Variants in TRMT11 observed in about 807,000 individuals in gnomAD.
TRMT11 encodes the protein tRNA (guanine(10)-N(2))-methyltransferase TRMT11.
TRMT11 carries 53 observed loss-of-function variants against 62.8 expected under a neutral mutation model. The observed-to-expected ratio is 0.84, with a 90% CI of 0.68 to 1.06. The LOEUF is 1.06. Among genes scored for constraint, TRMT11 ranks in the 50% least tolerant of loss-of-function variants. The pLI, the probability that TRMT11 is intolerant of heterozygous loss-of-function variation, is 0.00. For synonymous variants in TRMT11, 188 were observed against 190.3 expected, an observed-to-expected ratio of 0.99 and a Z score of 0.10; for missense variants, 556 against 553.4, an observed-to-expected ratio of 1.00 and a Z score of -0.05.
At chr6:126,229,992 C>T in the TRMT11 span, among the ~76,000 whole-genome samples, 2 of 152,052 alleles carry the variant, frequency 1.3e-5, no homozygotes, top group East Asian at 1.9e-4. Context: ...GTAGCTGAGA[C>T]ATGAGGGAAC....
intron 21 of TRMT11, among the ~76,000 whole-genome samples, chr6:126,129,324 G>C (rs1329624530): frequency 6.6e-6 from 1 of 152,074 alleles, no homozygotes; most frequent in African/African-American, 2.4e-5. Context: ...AGGATTAAAT[G>C]AGTTAATGCA....
intron 1 of TRMT11, among the ~76,000 whole-genome samples, chr6:126,189,913 T>C (rs1169942581): frequency 6.6e-6 from 1 of 152,136 alleles, no homozygotes; most frequent in African/African-American, 2.4e-5. Flanking sequence ...TTTTTAAATA[T>C]ATCATAGTGG....
At chr6:126,197,909 C>T (rs1778685328) in intron 1 of TRMT11, among the ~76,000 whole-genome samples, 1 of 152,134 alleles carries the variant, frequency 6.6e-6, no homozygotes, top group Non-Finnish European at 1.5e-5. Flanking sequence ...AAAACATGAA[C>T]ACAAAGGACA....
chr6:126,027,457 A>G (rs1773396467), intron 12 of TRMT11, among the ~76,000 whole-genome samples: 1 of 152,166 alleles, frequency 6.6e-6, no homozygotes, highest in Non-Finnish European at 1.5e-5. Context: ...ATAAAAAATT[A>G]TTTTAAATTA....
chr6:126,264,757 G>C, the TRMT11 span, among the ~76,000 whole-genome samples: 1 of 152,054 alleles, frequency 6.6e-6, no homozygotes, highest in African/African-American at 2.4e-5. Context: ...GGATCTTCTT[G>C]GTTCTACAGC....
chr6:126,072,350 G>T (rs1167345097), intron 17 of TRMT11, among the ~76,000 whole-genome samples: 1 of 152,212 alleles, frequency 6.6e-6, no homozygotes, highest in Non-Finnish European at 1.5e-5. Context: ...ACAGCATATT[G>T]TGGTTTGATA....
At chr6:126,011,578 GT>G in intron 9 of TRMT11, among the ~76,000 whole-genome samples, 161 bp downstream of exon 9, 1 of 151,954 alleles carries the variant, frequency 6.6e-6, no homozygotes, top group Non-Finnish European at 1.5e-5. Context: ...AGTTATGAAG[GT>G]ACTTAACTAC....
intron 17 of TRMT11, among the ~76,000 whole-genome samples, chr6:126,103,698 G>C (rs976415836): frequency 7.2e-5 from 11 of 152,260 alleles, no homozygotes; most frequent in African/African-American, 2.6e-4. Context: ...TTCCACCCCA[G>C]GTCCATGCTA....
downstream of TRMT11, among the ~76,000 whole-genome samples, chr6:126,205,932 CACACACAT>C (rs1778787068): frequency 6.7e-6 from 1 of 150,224 alleles, no homozygotes; most frequent in African/African-American, 2.5e-5. Flanking sequence ...CACACACACA[CACACACAT>C]GCGCGCACAC....
In TRMT11 at chr6:126,172,126, A is replaced by T. The variant is rs148955377; in HGVS notation, c.*1824-2699A>T. Among the ~76,000 whole-genome samples, 93 of 151,572 alleles carry T rather than the reference A, an allele frequency of 6.1e-4. 1 individual carries two copies. The highest frequency in any genetic ancestry group is 3.4e-3 in the Middle Eastern group (1 of 294). On this transcript the variant is annotated intron_variant and NMD_transcript_variant, in intron 21 of 22. Coordinates refer to the TRMT11 transcript ENST00000648977. ...TGGCTGAATTACTTGATCAAAATTT[A>T]AAAAAAAAGGTATTTTCCCTAAGTG...
chr6:126,104,440 A>G (rs1044005866), intron 17 of TRMT11, among the ~76,000 whole-genome samples: 1 of 152,196 alleles, frequency 6.6e-6, no homozygotes, highest in African/African-American at 2.4e-5. Flanking sequence ...TTCAGTCACT[A>G]TCAGGAAGCT....
chr6:126,165,271 G>A (rs1311086530), intron 21 of TRMT11, among the ~76,000 whole-genome samples: 2 of 130,606 alleles, frequency 1.5e-5, no homozygotes, highest in East Asian at 2.0e-4. Flanking sequence ...GAGTGAGACC[G>A]TGCCTCAAAA....
chr6:126,061,384 T>C (rs1776531455), intron 17 of TRMT11, among the ~76,000 whole-genome samples: 1 of 152,188 alleles, frequency 6.6e-6, no homozygotes, highest in Non-Finnish European at 1.5e-5. Context: ...CTTAAACTTT[T>C]GTTATTTAGG....
At chr6:126,243,770 C>T in the TRMT11 span, among the ~76,000 whole-genome samples, 20 of 151,600 alleles carry the variant, frequency 1.3e-4, no homozygotes, top group South Asian at 8.4e-4. Flanking sequence ...CATCACTCCC[C>T]GGGGCCTGTT....
At chr6:126,122,330 A>G (rs541975518) in intron 21 of TRMT11, among the ~76,000 whole-genome samples, 9 of 152,210 alleles carry the variant, frequency 5.9e-5, no homozygotes, top group African/African-American at 2.2e-4. Flanking sequence ...TAGAAGAAAA[A>G]GTTTTTCTCT....
intron 21 of TRMT11, among the ~76,000 whole-genome samples, chr6:126,165,646 G>C (rs1324427706): frequency 6.6e-6 from 1 of 152,238 alleles, no homozygotes; most frequent in Non-Finnish European, 1.5e-5. Context: ...TCTGCAGAGA[G>C]ATCTGCTGTT....
chr6:126,049,402 G>T (rs1361364243), intron 16 of TRMT11, among the ~76,000 whole-genome samples: 1 of 152,144 alleles, frequency 6.6e-6, no homozygotes, highest in Non-Finnish European at 1.5e-5. Flanking sequence ...AAATATTCTA[G>T]TTGACGTATT....
chr6:126,038,098 G>A (rs1307393220), intron 12 of TRMT11, among the ~76,000 whole-genome samples: 1 of 151,998 alleles, frequency 6.6e-6, no homozygotes. Context: ...ACCATTAGAC[G>A]TCAGTCTGAG....
intron 12 of TRMT11, among the ~76,000 whole-genome samples, chr6:126,038,250 G>A (rs1775539142): frequency 6.6e-6 from 1 of 151,882 alleles, no homozygotes; most frequent in Admixed American, 6.6e-5. Context: ...AGACAATTTT[G>A]TGTGTCTGTA....
Sources: allele counts gnomAD v4.1 joint callset (sites outside exome capture counted in the v4.1 genomes callset), GRCh38; gene constraint gnomAD v4.1.1; transcripts MANE v1.5; gene names NCBI Gene and HGNC (gene_info 2026-07-23, HGNC 2026-07-21).